Variants in CYP7B1 observed in about 807,000 individuals in gnomAD.
CYP7B1 encodes the protein cytochrome P450 family 7 subfamily B member 1, also known as cytochrome P450 7B1.
CYP7B1 carries 29 observed loss-of-function variants against 42.7 expected under a neutral mutation model. The ratio of observed to expected loss-of-function variants is 0.68; its 90% CI spans 0.51 to 0.93. CYP7B1 has a LOEUF of 0.93. Among genes scored for constraint, CYP7B1 ranks in the 40% least tolerant of loss-of-function variants. CYP7B1 has a pLI of 0.00. For synonymous variants in CYP7B1, 235 were observed against 218.2 expected (o/e 1.08, Z -0.68); for missense variants, 655 against 600.5 (o/e 1.09, Z -0.95).
chr8:64,630,895 A>C (rs1805685717), intron 1 of CYP7B1, among the ~76,000 whole-genome samples: 1 of 152,234 alleles, frequency 6.6e-6, no homozygotes, highest in African/African-American at 2.4e-5. Context: ...AAAGAGAAAG[A>C]AGAAAAGAAG....
chr8:64,663,062 T>G (rs1166271864), intron 1 of CYP7B1, among the ~76,000 whole-genome samples: 2 of 152,242 alleles, frequency 1.3e-5, no homozygotes, highest in African/African-American at 2.4e-5. Flanking sequence ...CTTGTTTACT[T>G]AGCAAGCTTC....
chr8:64,680,696 A>C (rs539626562), intron 1 of CYP7B1, among the ~76,000 whole-genome samples: 1 of 152,346 alleles, frequency 6.6e-6, no homozygotes, highest in East Asian at 1.9e-4. Flanking sequence ...ATCAGAGGGC[A>C]ATAAAAGGAT....
intron 1 of CYP7B1, among the ~76,000 whole-genome samples, chr8:64,682,590 C>T (rs2129631978): frequency 6.6e-6 from 1 of 152,324 alleles, no homozygotes; most frequent in African/African-American, 2.4e-5. Flanking sequence ...ACATCATTGG[C>T]TGATGCTTCT....
chr8:64,631,008 GA>G (rs1218869664), intron 1 of CYP7B1, among the ~76,000 whole-genome samples: 2 of 152,180 alleles, frequency 1.3e-5, no homozygotes, highest in African/African-American at 2.4e-5. Context: ...TCTCATTGGT[GA>G]ATTCCATCAA....
intron 1 of CYP7B1, among the ~76,000 whole-genome samples, chr8:64,682,268 G>C (rs1806550225): frequency 6.6e-6 from 1 of 152,202 alleles, no homozygotes; most frequent in Non-Finnish European, 1.5e-5. Flanking sequence ...GAAAGACGAA[G>C]CTGGAAAGAG....
intron 2 of CYP7B1, among the ~76,000 whole-genome samples, chr8:64,618,590 T>TCTCTCTCTCTCTCTC (rs1805482620): frequency 7.7e-5 from 3 of 38,892 alleles, no homozygotes; most frequent in African/African-American, 2.9e-4. Flanking sequence ...CTCTCTCTCT[T>TCTCTCTCTCTCTCTC]TCTCTCTCTC....
At chr8:64,590,701 G>A (rs910699122), downstream of CYP7B1, among the ~76,000 whole-genome samples, 5 of 152,122 alleles carry the variant, frequency 3.3e-5, no homozygotes, top group African/African-American at 1.2e-4. Context: ...AGCATCAGAT[G>A]ATAAGAATAT....
rs531365922 is a variant in CYP7B1 at position 64,683,909 on chromosome 8, G to A, written c.123-59370C>T. 2.6e-5 allele frequency among the ~76,000 whole-genome samples: 4 copies of A among 152,142 alleles called. No homozygotes were observed. The South Asian group carries it at 8.3e-4, about 32-fold the overall frequency. On this transcript the variant is annotated intron_variant, in intron 1 of 5. Transcript: ENST00000310193. ...ATGTTGTTCTTCTAGATACCCTCGT[G>A]GCTCACTTCATTCCTGTTGCTGTTC...
intron 1 of CYP7B1, among the ~76,000 whole-genome samples, chr8:64,681,293 G>T (rs75110524): frequency 1.3e-5 from 2 of 152,052 alleles, no homozygotes; most frequent in African/African-American, 4.8e-5. Flanking sequence ...TTCCCCAGTC[G>T]TCACGGAGTG....
chr8:64,798,401 A>T, intron 1 of CYP7B1, 65 bp downstream of exon 1: 1 of 1,439,842 alleles, frequency 6.9e-7, no homozygotes. Flanking sequence ...TCCCCTCGCC[A>T]TCTGGGTCGC....
intron 1 of CYP7B1, among the ~76,000 whole-genome samples, chr8:64,736,256 A>G (rs1807486105): frequency 6.6e-6 from 1 of 152,104 alleles, no homozygotes; most frequent in Middle Eastern, 3.2e-3. Context: ...TTCTACCAAT[A>G]TTAGATTCAA....
At chr8:64,657,277 G>A (rs757682760) in intron 1 of CYP7B1, among the ~76,000 whole-genome samples, 1 of 152,020 alleles carries the variant, frequency 6.6e-6, no homozygotes, top group Non-Finnish European at 1.5e-5. Context: ...CTAGAAAGAG[G>A]GCTCTAGGTT....
intron 1 of CYP7B1, among the ~76,000 whole-genome samples, chr8:64,788,116 A>G (rs887251576): frequency 6.6e-6 from 1 of 152,196 alleles, no homozygotes. Flanking sequence ...CCATCATTAG[A>G]CATTTGTCAA....
intron 4 of CYP7B1, among the ~76,000 whole-genome samples, chr8:64,610,221 T>C (rs558205661): frequency 5.1e-4 from 77 of 152,338 alleles, no homozygotes; most frequent in African/African-American, 1.9e-3. Flanking sequence ...TTGTGCTGAG[T>C]TGAAAATCCG....
intron 1 of CYP7B1, among the ~76,000 whole-genome samples, chr8:64,658,148 T>C (rs895355882): frequency 3.3e-5 from 5 of 152,128 alleles, no homozygotes; most frequent in Admixed American, 6.6e-5. Context: ...CCTCCTAACA[T>C]CATTACCTTA....
At chr8:64,607,398 T>TAAAAAAAAAAAAAAAAAAAAAA in intron 4 of CYP7B1, among the ~76,000 whole-genome samples, 1 of 143,960 alleles carries the variant, frequency 6.9e-6, no homozygotes, top group African/African-American at 2.6e-5. Context: ...GCTCTAGAAT[T>TAAAAAAAAAAAAAAAAAAAAAA]AAAAAAAAAA....
At chr8:64,703,728 AT>A (rs1391464180) in intron 1 of CYP7B1, 2 of 152,078 alleles carry the variant, frequency 1.3e-5, no homozygotes, top group African/African-American at 2.4e-5. Context: ...AAGACAAAAT[AT>A]TTTGGAAACT....
At chr8:64,768,724 G>A (rs1454038084) in intron 1 of CYP7B1, among the ~76,000 whole-genome samples, 2 of 152,030 alleles carry the variant, frequency 1.3e-5, no homozygotes, top group Non-Finnish European at 2.9e-5. Context: ...GCTTATCTAA[G>A]ATTATATGGT....
At chr8:64,746,653 A>T (rs922336979) in intron 1 of CYP7B1, among the ~76,000 whole-genome samples, 1 of 152,230 alleles carries the variant, frequency 6.6e-6, no homozygotes, top group African/African-American at 2.4e-5. Flanking sequence ...TTTTAATTTC[A>T]AAAACAAATT....
Sources: gnomAD v4.1 joint callset for allele counts (sites outside exome capture counted in the v4.1 genomes callset) on GRCh38, gnomAD v4.1.1 for gene constraint, MANE v1.5 for transcripts, NCBI Gene and HGNC (gene_info 2026-07-23, HGNC 2026-07-21) for gene names.